Variants in UBE2R2 observed in about 807,000 individuals in gnomAD.
The protein encoded by UBE2R2 is ubiquitin conjugating enzyme E2 R2, also known as ubiquitin-conjugating enzyme E2 R2.
Under a neutral mutation model 27.8 loss-of-function variants are expected in UBE2R2, and 1 was observed. The ratio of observed to expected loss-of-function variants is 0.04; its 90% CI spans 0.01 to 0.17. The LOEUF (loss-of-function observed/expected upper bound fraction) is 0.17. UBE2R2 is among the 10% of genes least tolerant of loss of function. The pLI is 1.00. For synonymous variants in UBE2R2, 106 were observed against 113.3 expected (o/e 0.94, Z 0.41); for missense variants, 100 against 291.0 (o/e 0.34, Z 4.78).
chr9:33,845,309 C>T (rs1169801536), intron 1 of UBE2R2, among the ~76,000 whole-genome samples: 5 of 149,422 alleles, frequency 3.3e-5, no homozygotes, highest in Non-Finnish European at 4.5e-5. Context: ...TTCAGTGGCA[C>T]GATCTTGGCT....
chr9:33,900,355 T>C, intron 3 of UBE2R2, 84 bp downstream of exon 3: 1 of 981,696 alleles, frequency 1.0e-6, no homozygotes, highest in Non-Finnish European at 1.5e-6. Context: ...TATTGTCTTT[T>C]AACATGTAAA....
chr9:33,912,130 T>C lies in UBE2R2; in HGVS notation c.497+32T>C, dbSNP rs766998808. On this transcript the variant is annotated intron_variant, in intron 4 of 4. Transcript: ENST00000263228. ...TTTTTTTTTTTATTACCTCAAGTTATACAAAACCAAAATATATTCTGGAAC... is the reference window on the plus strand; with the variant it reads ...TTTTTTTTTTTATTACCTCAAGTTACACAAAACCAAAATATATTCTGGAAC... 26 of 1,560,690 alleles carry C rather than the reference T, an allele frequency of 1.7e-5. No individual in the cohort carries two copies. The East Asian group carries it at 4.9e-4, about 30-fold the overall frequency.
intron 1 of UBE2R2, among the ~76,000 whole-genome samples, chr9:33,850,621 A>G (rs532480701): frequency 2.0e-5 from 3 of 152,136 alleles, no homozygotes; most frequent in Admixed American, 6.6e-5. Context: ...GCCTGCCCCT[A>G]CAAATCCTGC....
chr9:33,912,453 G>C (rs1028696725), intron 4 of UBE2R2, among the ~76,000 whole-genome samples: 2 of 151,896 alleles, frequency 1.3e-5, no homozygotes, highest in Non-Finnish European at 2.9e-5. Context: ...GTGAAACCCT[G>C]TCTCTACTAA....
rs146109097 is a variant in UBE2R2 at position 33,869,827 on chromosome 9, A to C, written c.178-17054A>C. On this transcript the variant is annotated intron_variant, in intron 1 of 4. Transcript: ENST00000263228. Reference sequence around the variant, plus strand: ...TTGCCTAGATATTTTTTATTTTTAAATTATTTTTTGTTTTGTTTTTGTTTT... The same window carrying C: ...TTGCCTAGATATTTTTTATTTTTAACTTATTTTTTGTTTTGTTTTTGTTTT... Among the ~76,000 whole-genome samples the C allele has an allele frequency of 9.9e-5, 15 of 151,326 alleles. No homozygotes were observed. In the East Asian group the frequency reaches 2.9e-3, roughly 30 times the overall value.
rs535760217 is a variant in UBE2R2, at chr9:33,884,548, G to A, written c.178-2333G>A. Among the ~76,000 whole-genome samples, 127 of 151,888 alleles carry A rather than the reference G, an allele frequency of 8.4e-4. 1 individual carries two copies. The highest frequency in any genetic ancestry group is 1.6e-3 in the Non-Finnish European group (112 of 67,980). Reference sequence around the variant, plus strand: ...CTGCCTGAGCCTTCCAAAGTGTTGGGATTACAGGCATGAGCCACCACTTTT... The same window carrying A: ...CTGCCTGAGCCTTCCAAAGTGTTGGAATTACAGGCATGAGCCACCACTTTT... On this transcript the variant is annotated intron_variant, in intron 1 of 4. Coordinates refer to ENST00000263228, the MANE Select transcript of UBE2R2 (RefSeq NM_017811.4).
At chr9:33,888,180 G>A (rs1043046873) in intron 2 of UBE2R2, among the ~76,000 whole-genome samples, 12 of 152,198 alleles carry the variant, frequency 7.9e-5, no homozygotes, top group African/African-American at 2.9e-4. Flanking sequence ...CAAGAACAAT[G>A]TGTAATCTGC....
intron 1 of UBE2R2, among the ~76,000 whole-genome samples, chr9:33,886,653 TAAAAAAA>T (rs11404304): frequency 1.7e-5 from 2 of 118,718 alleles, no homozygotes; most frequent in Admixed American, 9.6e-5. Flanking sequence ...GACTCCGTCT[TAAAAAAA>T]AAAAAAAAAA....
chr9:33,842,127 A>G (rs1820745240), intron 1 of UBE2R2, among the ~76,000 whole-genome samples: 1 of 152,132 alleles, frequency 6.6e-6, no homozygotes, highest in Non-Finnish European at 1.5e-5. Context: ...AGGGTGGGCA[A>G]AGTGGCTCAT....
At chr9:33,847,254 G>A (rs977295975) in intron 1 of UBE2R2, among the ~76,000 whole-genome samples, 1 of 151,618 alleles carries the variant, frequency 6.6e-6, no homozygotes, top group African/African-American at 2.4e-5. Context: ...GCGCCACCAT[G>A]CCCGGCTAAT....
chr9:33,830,338 G>A (rs999228901), intron 1 of UBE2R2, among the ~76,000 whole-genome samples: 1 of 149,034 alleles, frequency 6.7e-6, no homozygotes, highest in African/African-American at 2.5e-5. Context: ...TTGTATTTTG[G>A]TAGAGACGGG....
chr9:33,844,679 T>C lies in UBE2R2; in HGVS notation c.177+26745T>C, dbSNP rs78835730. Among the ~76,000 whole-genome samples, 185 of 152,302 alleles carry C rather than the reference T, an allele frequency of 1.2e-3. 2 individuals are homozygous for C. In the East Asian group the frequency reaches 0.032, roughly 27 times the overall value. Reference sequence around the variant, plus strand: ...CTAATTATTCAGTCACTTCGAAGTCTGTATTGACTGCTCAAATAAACAACT... The same window carrying C: ...CTAATTATTCAGTCACTTCGAAGTCCGTATTGACTGCTCAAATAAACAACT... On this transcript the variant is annotated intron_variant, in intron 1 of 4. Transcript: ENST00000263228.
intron 1 of UBE2R2, among the ~76,000 whole-genome samples, chr9:33,853,988 A>G (rs953742938): frequency 1.3e-5 from 2 of 151,630 alleles, no homozygotes; most frequent in African/African-American, 4.9e-5. Flanking sequence ...GAGCCACTGC[A>G]CCCGTCCCCT....
At chr9:33,841,719 G>C (rs1400203640) in intron 1 of UBE2R2, among the ~76,000 whole-genome samples, 1 of 151,922 alleles carries the variant, frequency 6.6e-6, no homozygotes, top group Non-Finnish European at 1.5e-5. Context: ...TAATACATCG[G>C]TGTATATTTT....
At chr9:33,848,605 C>CTTT (rs869271677) in intron 1 of UBE2R2, among the ~76,000 whole-genome samples, 1 of 143,110 alleles carries the variant, frequency 7.0e-6, no homozygotes, top group Non-Finnish European at 1.5e-5. Flanking sequence ...GCTATAAAAT[C>CTTT]TTTTTTTTTT....
intron 1 of UBE2R2, among the ~76,000 whole-genome samples, chr9:33,818,240 T>TG (rs1042313756): frequency 2.6e-4 from 40 of 151,220 alleles, no homozygotes; most frequent in Middle Eastern, 3.4e-3. Context: ...CCGCTGAGGG[T>TG]GGGTGGAAAG....
chr9:33,819,580 A>G lies in UBE2R2; in HGVS notation c.177+1646A>G, dbSNP rs1024577573. 4.6e-5 allele frequency among the ~76,000 whole-genome samples: 7 copies of G among 152,238 alleles called. No individual in the cohort carries two copies. In the East Asian group the frequency reaches 1.2e-3, roughly 25 times the overall value. On this transcript the variant is annotated intron_variant, in intron 1 of 4. Transcript: ENST00000263228. ...TGATGAAGCATATTCTCTGTTGTCA[A>G]ATATAAATTTTTATGCATACTGGAA...
In UBE2R2 at chr9:33,823,385, T is replaced by C. The variant is rs113922485; in HGVS notation, c.177+5451T>C. On this transcript the variant is annotated intron_variant, in intron 1 of 4. Transcript: ENST00000263228. The stretch of plus-strand genomic sequence containing the variant: ...TAAAATATAGTTGAAAAAAAATTTT[T>C]TTTTTTCCTAGATGGAGTCTTGCTC... 2.2e-3 allele frequency among the ~76,000 whole-genome samples: 330 copies of C among 152,148 alleles called. 4 individuals carry two copies. Among genetic ancestry groups the C allele is most frequent in the African/African-American group, 7.4e-3 (308 of 41,494 alleles).
intron 2 of UBE2R2, among the ~76,000 whole-genome samples, chr9:33,898,420 T>C (rs1397781387): frequency 6.6e-6 from 1 of 152,080 alleles, no homozygotes; most frequent in Non-Finnish European, 1.5e-5. Context: ...ACATGCCTTA[T>C]GGTATCTAAC....
Sources: allele counts gnomAD v4.1 joint callset (sites outside exome capture counted in the v4.1 genomes callset), GRCh38; gene constraint gnomAD v4.1.1; transcripts MANE v1.5; gene names NCBI Gene and HGNC (gene_info 2026-07-23, HGNC 2026-07-21).